Variants in ZDHHC14 observed in about 807,000 individuals in gnomAD.
The protein encoded by ZDHHC14 is zDHHC palmitoyltransferase 14, also known as palmitoyltransferase ZDHHC14.
A neutral mutation model predicts 47.7 loss-of-function variants in ZDHHC14; 16 were observed. The observed-to-expected ratio is 0.34, with a 90% CI of 0.23 to 0.51. The LOEUF (loss-of-function observed/expected upper bound fraction) is 0.51. Among genes scored for constraint, ZDHHC14 ranks in the 20% least tolerant of loss-of-function variants. The probability of loss-of-function intolerance (pLI) is 0.97; values close to 1 mark genes in which losing one functional copy is unlikely to be tolerated. For missense variants in ZDHHC14, 515 were observed against 662.5 expected (o/e 0.78, Z 2.44); for synonymous variants, 293 against 278.9 (o/e 1.05, Z -0.50).
rs529727450 is a variant in ZDHHC14 at position 157,474,133 on chromosome 6, C to T, written c.246-68452C>T. ...CCTCCCGAGTGGCTGGGACTACAGGCACCCACCACCATGCCCAGCTAATTT... is the reference window on the plus strand; with the variant it reads ...CCTCCCGAGTGGCTGGGACTACAGGTACCCACCACCATGCCCAGCTAATTT... On this transcript the variant is annotated intron_variant, in intron 1 of 8. Coordinates refer to ENST00000359775, the MANE Select transcript of ZDHHC14 (RefSeq NM_024630.3). 1.4e-3 allele frequency among the ~76,000 whole-genome samples: 208 copies of T among 152,180 alleles called. 1 individual carries two copies. Among genetic ancestry groups the T allele is most frequent in the Middle Eastern group, 3.4e-3 (1 of 294 alleles).
rs1035034663 is a variant in ZDHHC14 at position 157,602,811 on chromosome 6, C to T, written c.565+9665C>T. Among the ~76,000 whole-genome samples, 4 of 152,236 alleles carry T rather than the reference C, an allele frequency of 2.6e-5. No individual in the cohort carries two copies. In the East Asian group the frequency reaches 7.7e-4, roughly 29 times the overall value. ...TGCTACGTACCCAGGCTGGGTTCTG[C>T]TGCTGCTGAGGGCACCAGCCCCTTC... On this transcript the variant is annotated intron_variant, in intron 3 of 8. Coordinates refer to ENST00000359775, the MANE Select transcript of ZDHHC14 (RefSeq NM_024630.3).
intron 1 of ZDHHC14, among the ~76,000 whole-genome samples, chr6:157,489,784 T>C (rs1383557612): frequency 6.6e-6 from 1 of 152,204 alleles, no homozygotes; most frequent in African/African-American, 2.4e-5. Flanking sequence ...TTTGTGTTTG[T>C]TTGAGACAGG....
chr6:157,546,697 T>C (rs2135212), intron 2 of ZDHHC14, among the ~76,000 whole-genome samples: 61,465 of 151,834 alleles, frequency 0.4, 12,464 homozygotes, highest in Admixed American at 0.45. Context: ...CACCCAAGGA[T>C]GATCTGATCG....
intron 5 of ZDHHC14, among the ~76,000 whole-genome samples, chr6:157,634,066 G>T (rs981436305): frequency 6.6e-6 from 1 of 151,974 alleles, no homozygotes. Flanking sequence ...AGCAGGGGAG[G>T]GATTTCGATA....
In ZDHHC14 at chr6:157,648,540, C is replaced by G. The variant is rs182093425; in HGVS notation, c.965+1172C>G. ...TGCTACTGCAAAACTAGAACTTGAT[C>G]ATTTTCTAGCTTTAGCCTAGAAACT... On this transcript the variant is annotated intron_variant, in intron 7 of 8. Coordinates refer to ENST00000359775, the MANE Select transcript of ZDHHC14 (RefSeq NM_024630.3). Among the ~76,000 whole-genome samples, 536 of 152,088 alleles carry G rather than the reference C, an allele frequency of 3.5e-3. 3 individuals are homozygous for G. The highest frequency in any genetic ancestry group is 5.1e-3 in the Non-Finnish European group (345 of 68,004).
In ZDHHC14 at chr6:157,493,835, T is replaced by C. The variant is rs149836965; in HGVS notation, c.246-48750T>C. Among the ~76,000 whole-genome samples, 513 of 152,322 alleles carry C rather than the reference T, an allele frequency of 3.4e-3. 3 individuals carry two copies. Among genetic ancestry groups the C allele is most frequent in the South Asian group, 0.016 (78 of 4,828 alleles). Reference sequence around the variant, plus strand: ...AATCCCCGCCCTTGGCTGTGGAGCATTGGGGGACTGGTTCTTGCCCAGGGT... The same window carrying C: ...AATCCCCGCCCTTGGCTGTGGAGCACTGGGGGACTGGTTCTTGCCCAGGGT... On this transcript the variant is annotated intron_variant, in intron 1 of 8. Coordinates refer to ENST00000359775, the MANE Select transcript of ZDHHC14 (RefSeq NM_024630.3).
At chr6:157,588,747 T>C (rs149104655) in intron 2 of ZDHHC14, among the ~76,000 whole-genome samples, 3 of 152,246 alleles carry the variant, frequency 2.0e-5, no homozygotes. Context: ...TTTGAGTACA[T>C]AATAAAGAGG....
intron 1 of ZDHHC14, among the ~76,000 whole-genome samples, chr6:157,432,472 T>TTGTGCCAATGG: frequency 6.6e-6 from 1 of 152,258 alleles, no homozygotes. Flanking sequence ...AGGTAAGTAG[T>TTGTGCCAATGG]TGTGCCAATG....
intron 2 of ZDHHC14, among the ~76,000 whole-genome samples, chr6:157,571,893 G>A (rs1582959519): frequency 7.0e-6 from 1 of 143,774 alleles, no homozygotes; most frequent in East Asian, 2.1e-4. Flanking sequence ...TGTTAATTTT[G>A]TCCTGCCTGC....
intron 1 of ZDHHC14, among the ~76,000 whole-genome samples, chr6:157,505,877 C>G (rs889380808): frequency 2.6e-5 from 4 of 152,194 alleles, no homozygotes; most frequent in Non-Finnish European, 5.9e-5. Context: ...GCAAGAAAAT[C>G]CCTTGGTCAG....
In ZDHHC14 at chr6:157,604,552, C is replaced by CTT. The variant is rs10533378; in HGVS notation, c.565+11418_565+11419dup. On this transcript the variant is annotated intron_variant, in intron 3 of 8. Coordinates refer to ENST00000359775, the MANE Select transcript of ZDHHC14 (RefSeq NM_024630.3). ...AAGAAGCAGTTGTGTATTTGTTACT[C>CTT]TTTTTTTTTTTTTGAGACGGATTCT... Among the ~76,000 whole-genome samples, 212 of 148,144 alleles carry CTT rather than the reference C, an allele frequency of 1.4e-3. 1 individual carries two copies. The highest frequency in any genetic ancestry group is 2.2e-3 in the Non-Finnish European group (149 of 66,610).
At chr6:157,589,149 G>A (rs959369095) in intron 2 of ZDHHC14, among the ~76,000 whole-genome samples, 3 of 152,140 alleles carry the variant, frequency 2.0e-5, no homozygotes, top group African/African-American at 7.2e-5. Flanking sequence ...GGAAGGAAAA[G>A]AGGAAGGTCT....
chr6:157,640,087 C>T (rs951173534), intron 5 of ZDHHC14, among the ~76,000 whole-genome samples: 2 of 152,220 alleles, frequency 1.3e-5, no homozygotes, highest in Non-Finnish European at 2.9e-5. Context: ...GGCCAAAACC[C>T]TCAGAAACAC....
intron 2 of ZDHHC14, among the ~76,000 whole-genome samples, chr6:157,549,918 C>T (rs1016370176): frequency 4.6e-5 from 7 of 152,202 alleles, no homozygotes; most frequent in African/African-American, 1.7e-4. Flanking sequence ...AAACATATTT[C>T]CGTGATTTTG....
At chr6:157,594,554 C>A (rs937743223) in intron 3 of ZDHHC14, among the ~76,000 whole-genome samples, 1 of 152,216 alleles carries the variant, frequency 6.6e-6, no homozygotes, top group Non-Finnish European at 1.5e-5. Flanking sequence ...GTGGAAAGTG[C>A]CTGGCATGTA....
intron 1 of ZDHHC14, among the ~76,000 whole-genome samples, chr6:157,524,739 G>A (rs1781097383): frequency 6.6e-6 from 1 of 152,124 alleles, no homozygotes; most frequent in African/African-American, 2.4e-5. Flanking sequence ...TGTACCACTT[G>A]GCCAATCAGA....
At chr6:157,615,536 G>C (rs535766148) in intron 3 of ZDHHC14, among the ~76,000 whole-genome samples, 1 of 152,186 alleles carries the variant, frequency 6.6e-6, no homozygotes, top group Non-Finnish European at 1.5e-5. Context: ...CTATGGAATC[G>C]TAGTATTTGA....
intron 7 of ZDHHC14, among the ~76,000 whole-genome samples, chr6:157,650,341 TG>T (rs562774439): frequency 1.2e-3 from 188 of 151,436 alleles, no homozygotes; most frequent in African/African-American, 4.5e-3. Flanking sequence ...GAAACACTGA[TG>T]GGGTTAATGT....
chr6:157,476,887 GAAGGAATGTACCTCAACACAGTA>G (rs1779497844), intron 1 of ZDHHC14, among the ~76,000 whole-genome samples: 2 of 152,274 alleles, frequency 1.3e-5, no homozygotes, highest in Admixed American at 6.5e-5. Flanking sequence ...ATTAGGTGTA[GAAGGAATGTACCTCAACACAGTA>G]AAGGTCATAT....
Sources: allele counts gnomAD v4.1 joint callset (sites outside exome capture counted in the v4.1 genomes callset), GRCh38; gene constraint gnomAD v4.1.1; transcripts MANE v1.5; gene names NCBI Gene and HGNC (gene_info 2026-07-23, HGNC 2026-07-21).